PLA2G4F: variants seen among roughly 807,000 people sequenced by gnomAD.
PLA2G4F encodes phospholipase A2 group IVF, also known as cytosolic phospholipase A2 zeta.
In PLA2G4F, 105 loss-of-function variants were observed where a neutral mutation model predicts 103.1. The ratio of observed to expected loss-of-function variants is 1.02; its 90% CI spans 0.87 to 1.20. The LOEUF (loss-of-function observed/expected upper bound fraction) is 1.20. Among genes scored for constraint, PLA2G4F ranks in the 50% most tolerant of loss-of-function variants. The probability of loss-of-function intolerance (pLI) is 0.00; values close to 1 mark genes in which losing one functional copy is unlikely to be tolerated. For synonymous variants in PLA2G4F, 468 were observed against 441.1 expected, an observed-to-expected ratio of 1.06 and a Z score of -0.76; for missense variants, 1,155 against 1,075.9, an observed-to-expected ratio of 1.07 and a Z score of -1.03.
At chr15:42,143,180 A>T (rs1259236088) in intron 18 of PLA2G4F, among the ~76,000 whole-genome samples, 1 of 62,896 alleles carries the variant, frequency 1.6e-5, no homozygotes, top group Non-Finnish European at 3.6e-5. Context: ...TCCATCTAAA[A>T]AAAAAAAAAA....
intron 11 of PLA2G4F, 170 bp downstream of exon 11, chr15:42,149,543 G>A: frequency 5.1e-6 from 5 of 985,416 alleles, no homozygotes; most frequent in Non-Finnish European, 6.0e-6. Flanking sequence ...TTTGGCCAGG[G>A]CCGTTTGGCC....
chr15:42,147,440 A>G (rs577146934), intron 12 of PLA2G4F, 94 bp from the exon 13 acceptor site: 57 of 1,403,754 alleles, frequency 4.1e-5, no homozygotes, highest in Non-Finnish European at 5.5e-5. Flanking sequence ...CACCCCCACC[A>G]CTTGCACTGC....
intron 7 of PLA2G4F, chr15:42,151,642 G>A (rs1200250995): frequency 2.6e-5 from 26 of 985,216 alleles, no homozygotes; most frequent in Non-Finnish European, 3.0e-5. Context: ...CCGGAGACTC[G>A]ACATGACCAA....
chr15:42,142,652 C>T lies in PLA2G4F; in HGVS notation c.2205G>A (p.Val735=), dbSNP rs763832827. ...GGGCCTCCTCCATGTCCTCAGGGCC[C>T]ACCTCGATGCTAGGGAAGGGGATTC... ...DRGIPFPSIE[V]GPEDMEEARE... Residue 735 remains valine (V), a synonymous_variant, in exon 19 of 20, where the codon GTG becomes GTA. Transcript: ENST00000397272. 8 of 1,614,132 alleles carry T rather than the reference C, an allele frequency of 5.0e-6. No homozygotes were observed. Among genetic ancestry groups the T allele is most frequent in the South Asian group, 1.1e-5 (1 of 91,080 alleles).
intron 18 of PLA2G4F, 98 bp from the exon 19 acceptor site, chr15:42,142,812 T>C: frequency 7.9e-7 from 1 of 1,270,890 alleles, no homozygotes; most frequent in Non-Finnish European, 1.1e-6. Context: ...CCAGCTCTGT[T>C]TCTGACTAGC....
chr15:42,156,171 C>T (rs914732930), intron 1 of PLA2G4F, among the ~76,000 whole-genome samples: 5 of 152,182 alleles, frequency 3.3e-5, no homozygotes, highest in African/African-American at 9.7e-5. Flanking sequence ...CCACCAGCTC[C>T]GTGGACTCTA....
Position 42,153,289 on chromosome 15 carries a change from TC to T in PLA2G4F, c.534+10del. ...GCCCAGAACAGCGCCAAGCTTGCCT[TC>T]CCCACTCACCACCAGAACCCCGTTG... On this transcript the variant is annotated intron_variant, in intron 6 of 19. Transcript: ENST00000397272. The T allele has an allele frequency of 1.2e-6, 2 of 1,613,970 alleles. No homozygotes were observed. The highest frequency in any genetic ancestry group is 8.5e-7 in the Non-Finnish European group (1 of 1,179,892).
At chr15:42,146,015 C>T (rs1221474651) in intron 14 of PLA2G4F, 112 bp from the exon 15 acceptor site, 7 of 1,585,134 alleles carry the variant, frequency 4.4e-6, no homozygotes, top group East Asian at 2.2e-5. Context: ...CCCCGCTGTG[C>T]TCCAAGGTGC....
intron 16 of PLA2G4F, among the ~76,000 whole-genome samples, chr15:42,145,222 C>T (rs146259843): frequency 1.3e-5 from 2 of 152,294 alleles, no homozygotes; most frequent in Non-Finnish European, 2.9e-5. Context: ...AACTGAAGAA[C>T]AGAGCAAAAG....
chr15:42,154,293 C>T, intron 3 of PLA2G4F, 29 bp downstream of exon 3: 1 of 1,608,900 alleles, frequency 6.2e-7, no homozygotes, highest in Non-Finnish European at 8.5e-7. Context: ...AGTTCCCCTC[C>T]CGCAGCCTGG....
At chr15:42,155,187 A>C (rs967407339) in intron 2 of PLA2G4F, among the ~76,000 whole-genome samples, 1 of 151,888 alleles carries the variant, frequency 6.6e-6, no homozygotes, top group Non-Finnish European at 1.5e-5. Context: ...ATGTGTATAC[A>C]CACTCGCAGT....
At chr15:42,148,778 C>T (rs746468078) in intron 11 of PLA2G4F, 8 of 985,304 alleles carry the variant, frequency 8.1e-6, no homozygotes, top group Non-Finnish European at 9.6e-6. Context: ...AGATTTGGCT[C>T]ATTCCACTCT....
At position 42,147,681 on chromosome 15, in the gene PLA2G4F, C is replaced by T. The variant is rs151325640; in HGVS notation, c.1141G>A (p.Glu381Lys). Reference sequence around the variant, plus strand: ...GTCACAGTGTCTAGAAGGCCGAGCTCCTGCAACCCTGCCAGGCTGCCGTAC... The same window carrying T: ...GTCACAGTGTCTAGAAGGCCGAGCTTCTGCAACCCTGCCAGGCTGCCGTAC... ...SLYGSLAGLQELGLLDTVTYL... is the reference protein window; with the variant it reads ...SLYGSLAGLQKLGLLDTVTYL... The change falls in exon 12 of 20, where the codon GAG becomes AAG. Residue 381 changes from glutamate to lysine, a missense_variant. This residue lies in a region of PLA2G4F where 782 missense variants were observed against 692.9 expected (regional missense o/e 1.13). Coordinates refer to ENST00000397272, the MANE Select transcript of PLA2G4F (RefSeq NM_213600.4). The T allele has an allele frequency of 6.8e-6, 11 of 1,614,046 alleles. No individual in the cohort carries two copies. Among genetic ancestry groups the T allele is most frequent in the African/African-American group, 1.3e-5 (1 of 74,928 alleles).
At chr15:42,151,156 C>T (rs949221927) in intron 7 of PLA2G4F, 2 of 985,198 alleles carry the variant, frequency 2.0e-6, no homozygotes, top group Admixed American at 6.1e-5. Flanking sequence ...CCACTTCAGC[C>T]TCTTTACTCA....
chr15:42,148,002 C>T (rs2048912331), intron 11 of PLA2G4F, among the ~76,000 whole-genome samples: 1 of 151,966 alleles, frequency 6.6e-6, no homozygotes, highest in Admixed American at 6.5e-5. Flanking sequence ...CACGGTGAAA[C>T]CCCGTCTCTA....
chr15:42,150,360 G>A lies in PLA2G4F; in HGVS notation c.885+13C>T. 4 of 1,598,102 alleles carry A rather than the reference G, an allele frequency of 2.5e-6. No homozygotes were observed. The highest frequency in any genetic ancestry group is 3.4e-6 in the Non-Finnish European group (4 of 1,172,202). On this transcript the variant is annotated intron_variant, in intron 9 of 19. Transcript: ENST00000397272. ...CAGGCAGGGGTCCCTCTGGCACCCA[G>A]ACAGAGCCTTACCTCCCCCAGGGCC...
chr15:42,143,695 C>T (rs1469791876), intron 18 of PLA2G4F, among the ~76,000 whole-genome samples: 2 of 152,224 alleles, frequency 1.3e-5, no homozygotes, highest in Non-Finnish European at 2.9e-5. Flanking sequence ...GGGGGATCTT[C>T]TATGGATGAG....
In PLA2G4F at chr15:42,145,954, T is replaced by C. The variant is rs767564233; in HGVS notation, c.1535-51A>G. 5.0e-6 allele frequency: 8 copies of C among 1,604,930 alleles called. No individual in the cohort carries two copies. The South Asian group carries it at 6.6e-5, about 13-fold the overall frequency. ...CACCAGGGGCTTCCCACCACGGTGC[T>C]TGTGCCCAAGCAGGAATCTTAGCCT... On this transcript the variant is annotated intron_variant, in intron 14 of 19. Transcript: ENST00000397272.
At chr15:42,144,424 C>CA in intron 17 of PLA2G4F, 26 bp downstream of exon 17, 2 of 1,610,070 alleles carry the variant, frequency 1.2e-6, no homozygotes, top group South Asian at 2.2e-5. Context: ...GGAAGCCCCC[C>CA]ATCTCCCACC....
Sources: allele counts gnomAD v4.1 joint callset (sites outside exome capture counted in the v4.1 genomes callset), GRCh38; gene constraint gnomAD v4.1.1; regional missense constraint gnomAD v4.1.1; transcripts MANE v1.5; gene names NCBI Gene and HGNC (gene_info 2026-07-23, HGNC 2026-07-21).